Variants in SV2B observed in about 807,000 individuals in gnomAD.
The protein encoded by SV2B is synaptic vesicle glycoprotein 2B.
SV2B carries 41 observed loss-of-function variants against 73.9 expected under a neutral mutation model. That is an observed-to-expected ratio of 0.56 (90% CI 0.43 to 0.72). The LOEUF is 0.72. Ranked by LOEUF, SV2B falls within the 30% of genes least tolerant of loss-of-function variation. The pLI is 0.00. For synonymous variants in SV2B, 314 were observed against 314.2 expected (o/e 1.00, Z 0.01); for missense variants, 764 against 857.8 (o/e 0.89, Z 1.37).
rs143386627 is a variant in SV2B at position 91,268,302 on chromosome 15, A to C, written c.1209-139A>C. 493 of 862,514 alleles carry C rather than the reference A, an allele frequency of 5.7e-4. 5 individuals are homozygous for C. In the African/African-American group the frequency reaches 7.4e-3, roughly 13 times the overall value. The allele number at this position is 862,514 out of a possible 1,614,324, so 53.4% of individuals were successfully genotyped here. A position where few individuals can be genotyped will look rare whatever the true frequency, so the allele number is the denominator to read the frequency against. On this transcript the variant is annotated intron_variant, in intron 8 of 12. Coordinates refer to ENST00000394232, the MANE Select transcript of SV2B (RefSeq NM_001323032.3). This position sits in a 1 kb window ranked among gnomAD's most constrained non-coding sequence, Gnocchi z 4.4. Reference sequence around the variant, plus strand: ...CTTGTATTTATTAATATGAGGATTTATATTGTCAGATTTTCTAATAATGAA... The same window carrying C: ...CTTGTATTTATTAATATGAGGATTTCTATTGTCAGATTTTCTAATAATGAA...
Position 91,129,067 on chromosome 15 carries a change from C to T in SV2B, c.-392+28704C>T, listed in dbSNP as rs202102562. On this transcript the variant is annotated intron_variant, in intron 1 of 12. Transcript: ENST00000394232. This position sits in a 1 kb window ranked among gnomAD's most constrained non-coding sequence, Gnocchi z 5.1. ...TTCAGAGGGCCAGGGAGCCCTTGGC[C>T]CCTACATGGCCACATGTAAGTCTTA... Among the ~76,000 whole-genome samples, 11 of 152,278 alleles carry T rather than the reference C, an allele frequency of 7.2e-5. No individual in the cohort carries two copies. The East Asian group carries it at 1.9e-3, about 27-fold the overall frequency.
intron 1 of SV2B, among the ~76,000 whole-genome samples, chr15:91,175,764 A>G (rs374058411): frequency 6.6e-6 from 1 of 151,880 alleles, no homozygotes; most frequent in East Asian, 1.9e-4. Flanking sequence ...ATCTTGATAT[A>G]TACTGCACAG....
rs60896008 is a variant in SV2B, at chr15:91,147,965, C to CTTTTTT, written c.-392+47630_-392+47635dup. ...GTTCCCCACCCCGCACCCCCCCCAA[C>CTTTTTT]TTTTTTTTTTTTTTTTTTTTTTTTT... is the stretch of plus-strand genomic sequence containing the variant. On this transcript the variant is annotated intron_variant, in intron 1 of 12. Coordinates refer to ENST00000394232, the MANE Select transcript of SV2B (RefSeq NM_001323032.3). Among the ~76,000 whole-genome samples the CTTTTTT allele has an allele frequency of 3.7e-3, 144 of 39,312 alleles. 19 individuals are homozygous for CTTTTTT. The highest frequency in any genetic ancestry group is 0.031 in the Middle Eastern group (1 of 32). The allele number at this position is 39,312 out of a possible 152,430, so 25.8% of individuals were successfully genotyped here.
At chr15:91,190,366 A>T (rs1463908075) in intron 1 of SV2B, among the ~76,000 whole-genome samples, 5 of 150,888 alleles carry the variant, frequency 3.3e-5, no homozygotes, top group African/African-American at 1.2e-4. Flanking sequence ...TTTCTTGCAT[A>T]ATTGTCTTCT....
At chr15:91,158,707 T>TTC (rs1567300719) in intron 1 of SV2B, among the ~76,000 whole-genome samples, 83 of 92,990 alleles carry the variant, frequency 8.9e-4, no homozygotes, top group African/African-American at 1.9e-3. Context: ...TTCTCTCCTC[T>TTC]CCTCTCCTCT....
chr15:91,233,134 C>T (rs538576920), intron 2 of SV2B, among the ~76,000 whole-genome samples: 19 of 152,206 alleles, frequency 1.2e-4, no homozygotes, highest in Admixed American at 7.9e-4. Context: ...GTTGATTCGA[C>T]GTTAAAGACC....
At chr15:91,184,757 A>C (rs1328907954) in intron 1 of SV2B, among the ~76,000 whole-genome samples, 1 of 152,240 alleles carries the variant, frequency 6.6e-6, no homozygotes, top group African/African-American at 2.4e-5. Context: ...CACTTTATTC[A>C]GAATTCAAGC....
intron 1 of SV2B, among the ~76,000 whole-genome samples, chr15:91,190,437 A>G (rs1567329441): frequency 6.6e-6 from 1 of 151,448 alleles, no homozygotes; most frequent in Non-Finnish European, 1.5e-5. Flanking sequence ...TTTTTTGTTC[A>G]TGATCGTAAA....
intron 9 of SV2B, among the ~76,000 whole-genome samples, chr15:91,277,806 T>A (rs1338879241): frequency 6.6e-6 from 1 of 152,230 alleles, no homozygotes; most frequent in Non-Finnish European, 1.5e-5. Flanking sequence ...TGTTCTACTA[T>A]TTTTCTCTTG....
chr15:91,292,193 C>G (rs935235091), intron 12 of SV2B, among the ~76,000 whole-genome samples, 176 bp from the exon 13 acceptor site: 10 of 151,344 alleles, frequency 6.6e-5, no homozygotes, highest in African/African-American at 2.4e-4. Context: ...ATCCATGCAT[C>G]TTTATATTAT....
chr15:91,252,297 C>T lies in SV2B; in HGVS notation c.633-72C>T. 1.9e-6 allele frequency: 3 copies of T among 1,540,876 alleles called. No homozygotes were observed. The Admixed American group carries it at 5.7e-5, about 29-fold the overall frequency. Reference sequence around the variant, plus strand: ...CACAGAGCCTAAGGTGGGGTATAGGCAACTTGGTTTCTGCTGTGACCATTT... The same window carrying T: ...CACAGAGCCTAAGGTGGGGTATAGGTAACTTGGTTTCTGCTGTGACCATTT... On this transcript the variant is annotated intron_variant, in intron 3 of 12. Coordinates refer to ENST00000394232, the MANE Select transcript of SV2B (RefSeq NM_001323032.3). This position sits in a 1 kb window ranked among gnomAD's most constrained non-coding sequence, Gnocchi z 4.6.
At chr15:91,192,697 T>G (rs1372041155) in intron 1 of SV2B, among the ~76,000 whole-genome samples, 1 of 152,258 alleles carries the variant, frequency 6.6e-6, no homozygotes, top group Non-Finnish European at 1.5e-5. Context: ...ACATTTTCTT[T>G]TATTTCACAA....
At chr15:91,108,865 C>A (rs986532223) in intron 1 of SV2B, among the ~76,000 whole-genome samples, 2 of 152,222 alleles carry the variant, frequency 1.3e-5, no homozygotes, top group Non-Finnish European at 2.9e-5. Context: ...CACCTGGGTT[C>A]CCTGCTTCAG....
Position 91,245,641 on chromosome 15 carries a change from C to T in SV2B, c.452-6178C>T, listed in dbSNP as rs28479729. Among the ~76,000 whole-genome samples the T allele has an allele frequency of 3.9e-4, 59 of 152,208 alleles. No individual in the cohort carries two copies. Among genetic ancestry groups the T allele is most frequent in the Middle Eastern group, 3.4e-3 (1 of 294 alleles). ...CATCTCTGTGCTAGAGACACAGTGT[C>T]GAACTCTCCTCAAGCAAAATCAACA... On this transcript the variant is annotated intron_variant, in intron 2 of 12. Transcript: ENST00000394232. The surrounding 1 kb of genome is among the most constrained non-coding windows in gnomAD (Gnocchi z 4.2).
chr15:91,162,427 G>C (rs1418914384), intron 1 of SV2B, among the ~76,000 whole-genome samples: 1 of 152,140 alleles, frequency 6.6e-6, no homozygotes, highest in Non-Finnish European at 1.5e-5. Context: ...AAAGAAGTAG[G>C]AACACTTATT....
intron 1 of SV2B, among the ~76,000 whole-genome samples, chr15:91,159,493 G>A (rs890040014): frequency 6.6e-6 from 1 of 152,064 alleles, no homozygotes; most frequent in Non-Finnish European, 1.5e-5. Flanking sequence ...TAACAGAAGA[G>A]AATTTGCTAA....
chr15:91,179,703 C>CT (rs2044470493), intron 1 of SV2B, among the ~76,000 whole-genome samples: 1 of 152,166 alleles, frequency 6.6e-6, no homozygotes, highest in Non-Finnish European at 1.5e-5. Flanking sequence ...TTATCAGAGA[C>CT]TAAGATTGCA....
chr15:91,116,468 G>T (rs906403291), intron 1 of SV2B, among the ~76,000 whole-genome samples: 1 of 152,218 alleles, frequency 6.6e-6, no homozygotes, highest in African/African-American at 2.4e-5. Flanking sequence ...ATAAAAATAG[G>T]CAGAGAATGA....
At chr15:91,135,382 C>T (rs779893711) in intron 1 of SV2B, among the ~76,000 whole-genome samples, 16 of 152,174 alleles carry the variant, frequency 1.1e-4, no homozygotes, top group South Asian at 2.1e-4. Context: ...CAGATTCTCC[C>T]GTGTCGGGGG....
Sources: gnomAD v4.1 joint callset for allele counts (sites outside exome capture counted in the v4.1 genomes callset) on GRCh38, gnomAD v4.1.1 for gene constraint, Gnocchi (gnomAD v3.1) non-coding constraint, MANE v1.5 for transcripts, NCBI Gene and HGNC (gene_info 2026-07-23, HGNC 2026-07-21) for gene names.